DHRSX: variants seen among roughly 807,000 people sequenced by gnomAD.
DHRSX encodes dehydrogenase/reductase X-linked, also known as polyprenol dehydrogenase.
DHRSX carries 31 observed loss-of-function variants against 34.0 expected under a neutral mutation model. The ratio of observed to expected loss-of-function variants is 0.91; its 90% CI spans 0.69 to 1.23. The LOEUF is 1.23. DHRSX is among the 50% of genes most tolerant of loss of function. DHRSX has a pLI of 0.00. For synonymous variants in DHRSX, 201 were observed against 183.8 expected (o/e 1.09, Z -0.76); for missense variants, 414 against 428.1 (o/e 0.97, Z 0.29).
chrX:2,304,949 T>C (rs1602907677), intron 3 of DHRSX, among the ~76,000 whole-genome samples: 1 of 152,032 alleles, frequency 6.6e-6, no homozygotes, highest in East Asian at 1.9e-4. Context: ...GGATGTGGAA[T>C]CAACTCAAAT....
chrX:2,405,332 C>CA (rs1458034469), intron 3 of DHRSX, among the ~76,000 whole-genome samples: 1 of 151,550 alleles, frequency 6.6e-6, no homozygotes, highest in Non-Finnish European at 1.5e-5. Flanking sequence ...ACTAAAAATA[C>CA]AAAAATTAGC....
chrX:2,345,450 C>A (rs1397762294), intron 3 of DHRSX, among the ~76,000 whole-genome samples: 2 of 151,704 alleles, frequency 1.3e-5, no homozygotes, highest in East Asian at 1.9e-4. Flanking sequence ...TGAGATCAGC[C>A]TGGCCAACAT....
chrX:2,221,968 T>C (rs1263509892), intron 6 of DHRSX, among the ~76,000 whole-genome samples: 3 of 152,208 alleles, frequency 2.0e-5, no homozygotes, highest in Non-Finnish European at 4.4e-5. Flanking sequence ...ACAGTGCATC[T>C]TAACTTCTGT....
intron 3 of DHRSX, among the ~76,000 whole-genome samples, chrX:2,292,236 G>C (rs540779167): frequency 2.0e-4 from 30 of 152,296 alleles, no homozygotes; most frequent in African/African-American, 7.2e-4. Context: ...GGCCTCTCTA[G>C]GAGCTGACAG....
chrX:2,439,678 G>A (rs932607246), intron 1 of DHRSX, among the ~76,000 whole-genome samples: 1 of 152,132 alleles, frequency 6.6e-6, no homozygotes, highest in Non-Finnish European at 1.5e-5. Context: ...CGGGTGATGA[G>A]AGCCAGTGAC....
chrX:2,359,899 G>T (rs1249829823), intron 3 of DHRSX, among the ~76,000 whole-genome samples: 1 of 151,986 alleles, frequency 6.6e-6, no homozygotes, highest in Non-Finnish European at 1.5e-5. Context: ...ACAGAGAGGG[G>T]AATAGCATTC....
At chrX:2,223,685 T>C (rs2015571778) in intron 6 of DHRSX, among the ~76,000 whole-genome samples, 1 of 152,194 alleles carries the variant, frequency 6.6e-6, no homozygotes, top group African/African-American at 2.4e-5. Context: ...AGGGTCTTTC[T>C]CTGGGGCAGC....
chrX:2,293,710 C>T (rs2041894724), intron 3 of DHRSX, among the ~76,000 whole-genome samples: 1 of 152,098 alleles, frequency 6.6e-6, no homozygotes, highest in Admixed American at 6.6e-5. Context: ...GTGTCATTTA[C>T]AGCCTCCTCA....
chrX:2,438,091 C>T (rs2044017574), intron 1 of DHRSX, among the ~76,000 whole-genome samples: 2 of 149,212 alleles, frequency 1.3e-5, no homozygotes, highest in South Asian at 4.2e-4. Flanking sequence ...GCAGGAGAAT[C>T]GCTTGAACCC....
intron 3 of DHRSX, among the ~76,000 whole-genome samples, chrX:2,314,449 A>AGAAGAAAGGAAG (rs2042212962): frequency 1.5e-5 from 1 of 65,728 alleles, no homozygotes; most frequent in Non-Finnish European, 2.7e-5. Context: ...AAGGAAGGGG[A>AGAAGAAAGGAAG]GAAGGGAGGA....
intron 3 of DHRSX, among the ~76,000 whole-genome samples, chrX:2,294,705 C>T (rs926350606): frequency 2.1e-5 from 3 of 142,238 alleles, no homozygotes; most frequent in African/African-American, 5.2e-5. Flanking sequence ...AGAGAGAGAG[C>T]GTGACAAACA....
At chrX:2,461,409 G>A (rs1376456423) in intron 1 of DHRSX, among the ~76,000 whole-genome samples, 4 of 152,214 alleles carry the variant, frequency 2.6e-5, no homozygotes, top group Admixed American at 1.3e-4. Context: ...ACAGGGAAAA[G>A]AAAGGCTACC....
chrX:2,273,130 T>C (rs2041579736), intron 4 of DHRSX, among the ~76,000 whole-genome samples: 2 of 151,890 alleles, frequency 1.3e-5, no homozygotes, highest in Admixed American at 1.3e-4. Flanking sequence ...GAGGTGGAGG[T>C]TGCAGTGAGC....
chrX:2,241,057 A>C (rs2016130391), intron 6 of DHRSX, among the ~76,000 whole-genome samples: 1 of 151,980 alleles, frequency 6.6e-6, no homozygotes, highest in South Asian at 2.1e-4. Context: ...GGTGGCGCAC[A>C]CCTGCAATCC....
At chrX:2,338,063 T>C (rs1365635121) in intron 3 of DHRSX, 1 of 148,492 alleles carries the variant, frequency 6.7e-6, no homozygotes, top group Non-Finnish European at 1.5e-5. Flanking sequence ...CCAGGCATGG[T>C]GGCTCATGCC....
At chrX:2,223,473 T>C (rs1353446941) in intron 6 of DHRSX, among the ~76,000 whole-genome samples, 1 of 152,108 alleles carries the variant, frequency 6.6e-6, no homozygotes, top group East Asian at 1.9e-4. Flanking sequence ...AGAGACTGTA[T>C]CTGAAAACAT....
intron 6 of DHRSX, among the ~76,000 whole-genome samples, chrX:2,236,573 A>T (rs138657293): frequency 0.021 from 3,175 of 152,198 alleles, 131 homozygotes; most frequent in African/African-American, 0.073. Context: ...CTGGGATTAC[A>T]GGCGTCCGCC....
chrX:2,350,785 T>C (rs372383529), intron 3 of DHRSX, among the ~76,000 whole-genome samples: 156 of 152,272 alleles, frequency 1.0e-3, no homozygotes, highest in African/African-American at 3.6e-3. Context: ...AACACGTATG[T>C]TTATTGCAAT....
At chrX:2,319,687 T>A (rs189916470) in intron 3 of DHRSX, among the ~76,000 whole-genome samples, 17 of 152,174 alleles carry the variant, frequency 1.1e-4, no homozygotes, top group Non-Finnish European at 2.1e-4. Context: ...TATGTACTAA[T>A]CGACTCTATG....
Sources: gnomAD v4.1 joint callset for allele counts (sites outside exome capture counted in the v4.1 genomes callset) on GRCh38, gnomAD v4.1.1 for gene constraint, MANE v1.5 for transcripts, NCBI Gene and HGNC (gene_info 2026-07-23, HGNC 2026-07-21) for gene names.